The following BCL9 variants were observed in gnomAD, a reference collection of about 807,000 sequenced individuals.
BCL9 encodes B-cell CLL/lymphoma 9 protein.
Under a neutral mutation model 88.5 loss-of-function variants are expected in BCL9, and 25 were observed. That is an observed-to-expected ratio of 0.28 (90% CI 0.21 to 0.39). BCL9 has a LOEUF of 0.39. Ranked by LOEUF, BCL9 falls within the 10% of genes least tolerant of loss-of-function variation. The pLI is 1.00. For missense variants in BCL9, 1,817 were observed against 1,877.8 expected (o/e 0.97, Z 0.60); for synonymous variants, 711 against 673.3 (o/e 1.06, Z -0.87).
At position 147,568,174 on chromosome 1, in the gene BCL9, G is replaced by C. The variant is rs651863; in HGVS notation, c.-478+26500G>C. On this transcript the variant is annotated intron_variant, in intron 1 of 9. Transcript: ENST00000234739. ...TTATTCTCAAGAAAGTCCTAGTCTT[G>C]TTACTTCTCCCAATAGGCTGTCATA... Among the ~76,000 whole-genome samples the C allele has an allele frequency of 5.8e-4, 88 of 152,300 alleles. 1 individual carries two copies. The highest frequency in any genetic ancestry group is 2.0e-3 in the African/African-American group (85 of 41,572).
chr1:147,577,794 A>G (rs1656175778), intron 1 of BCL9, among the ~76,000 whole-genome samples: 2 of 150,706 alleles, frequency 1.3e-5, no homozygotes, highest in Non-Finnish European at 2.9e-5. Context: ...CGAGTCTACC[A>G]TCCAAGCTTT....
At position 147,624,034 on chromosome 1, in the gene BCL9, T is replaced by C. The variant is rs1553205967; in HGVS notation, c.3356T>C (p.Ile1119Thr). 1.9e-6 allele frequency: 3 copies of C among 1,614,120 alleles called. No individual in the cohort carries two copies. Among genetic ancestry groups the C allele is most frequent in the Non-Finnish European group, 2.5e-6 (3 of 1,180,014 alleles). ...MGPGLMSHNPIMGHGSQEPPM... is the reference protein window; with the variant it reads ...MGPGLMSHNPTMGHGSQEPPM... ...CCTGGCTTGATGTCACACAATCCTA[T>C]CATGGGGCATGGGTCCCAGGAGCCA... Residue 1119 changes from isoleucine (I) to threonine (T), a missense_variant, in exon 10 of 10, where the codon ATC becomes ACC. This residue lies in a region of BCL9 where 589 missense variants were observed against 686.2 expected (regional missense o/e 0.86). Coordinates refer to ENST00000234739, the MANE Select transcript of BCL9 (RefSeq NM_004326.4). This position sits in a 1 kb window ranked among gnomAD's most constrained non-coding sequence, Gnocchi z 4.4.
intron 9 of BCL9, 60 bp downstream of exon 9, chr1:147,622,591 AGCGTTTTCTCAATG>A: frequency 6.3e-7 from 1 of 1,596,950 alleles, no homozygotes; most frequent in South Asian, 1.1e-5. Context: ...AACCTCTTGA[AGCGTTTTCTCAATG>A]GCTATACACC....
intron 1 of BCL9, among the ~76,000 whole-genome samples, chr1:147,562,243 C>T (rs587717677): frequency 3.4e-4 from 52 of 152,212 alleles, no homozygotes; most frequent in African/African-American, 1.2e-3. Flanking sequence ...GCAGGAGACT[C>T]GCTTGAACTC....
intron 1 of BCL9, among the ~76,000 whole-genome samples, chr1:147,555,331 C>T (rs782687615): frequency 2.0e-5 from 3 of 152,204 alleles, no homozygotes. Context: ...AACTCCTACT[C>T]TATACTTTGG....
At chr1:147,605,481 T>C (rs1177946918) in intron 2 of BCL9, among the ~76,000 whole-genome samples, 1 of 152,206 alleles carries the variant, frequency 6.6e-6, no homozygotes, top group African/African-American at 2.4e-5. Context: ...TTCCAGATGG[T>C]GATAGTTGGA....
intron 1 of BCL9, among the ~76,000 whole-genome samples, chr1:147,595,181 G>A (rs1277183592): frequency 1.3e-5 from 2 of 152,212 alleles, no homozygotes; most frequent in Admixed American, 1.3e-4. Context: ...CATTTTATTG[G>A]CTTCATGTTT....
At chr1:147,558,576 A>T (rs1546160) in intron 1 of BCL9, among the ~76,000 whole-genome samples, 29,838 of 151,960 alleles carry the variant, frequency 0.2, 8,068 homozygotes, top group African/African-American at 0.61. Flanking sequence ...GCTTTTATCT[A>T]CTTGTTGGTC....
chr1:147,574,706 C>T (rs782249218), intron 1 of BCL9, among the ~76,000 whole-genome samples: 3 of 152,154 alleles, frequency 2.0e-5, no homozygotes, highest in East Asian at 1.9e-4. Context: ...GTAATTAAAG[C>T]GTGTTTGTAC....
chr1:147,556,044 A>G (rs373950380), intron 1 of BCL9, among the ~76,000 whole-genome samples: 4 of 152,200 alleles, frequency 2.6e-5, no homozygotes, highest in South Asian at 4.1e-4. Context: ...AAGGTGTCCT[A>G]GAGTAGCCTA....
chr1:147,581,255 A>T (rs907875801), intron 1 of BCL9, among the ~76,000 whole-genome samples: 4 of 152,228 alleles, frequency 2.6e-5, no homozygotes, highest in Non-Finnish European at 5.9e-5. Flanking sequence ...AAGACATGGC[A>T]TATCAACTAG....
At chr1:147,555,958 A>T (rs1430484885) in intron 1 of BCL9, among the ~76,000 whole-genome samples, 1 of 152,346 alleles carries the variant, frequency 6.6e-6, no homozygotes, top group Non-Finnish European at 1.5e-5. Flanking sequence ...AATAGGAAGA[A>T]GTAGCACAAA....
intron 1 of BCL9, among the ~76,000 whole-genome samples, chr1:147,581,645 T>A (rs1223999511): frequency 6.6e-6 from 1 of 152,202 alleles, no homozygotes; most frequent in East Asian, 1.9e-4. Flanking sequence ...CTACGTCAGC[T>A]CTTTAATCTC....
intron 1 of BCL9, among the ~76,000 whole-genome samples, chr1:147,588,284 G>A (rs1286630851): frequency 3.3e-5 from 5 of 152,138 alleles, no homozygotes; most frequent in Non-Finnish European, 7.4e-5. Context: ...TAAGAGGCCT[G>A]ACTTGGCTGA....
chr1:147,606,619 A>G (rs1657722865), intron 2 of BCL9, among the ~76,000 whole-genome samples, 165 bp from the exon 3 acceptor site: 1 of 152,202 alleles, frequency 6.6e-6, no homozygotes, highest in South Asian at 2.1e-4. Flanking sequence ...TAATCCTTCA[A>G]AAATTGGGAG....
In BCL9 at chr1:147,619,809, C is replaced by T. The variant is rs373041629; in HGVS notation, c.1654C>T (p.His552Tyr). The T allele has an allele frequency of 9.9e-6, 16 of 1,614,052 alleles. No homozygotes were observed. In the Admixed American group the frequency reaches 1.0e-4, roughly 10 times the overall value. The stretch of plus-strand genomic sequence containing the variant: ...TCTGCCCCCGAGGGGCATGGCTCCC[C>T]ACCCCAACATGCCAGGGAGCCAGAT... The part of the protein sequence containing the change: ...HSLPPRGMAP[H>Y]PNMPGSQMRL... Residue 552 changes from histidine to tyrosine, a missense_variant, in exon 8 of 10, where the codon CAC becomes TAC. Physicochemically the swap from His to Tyr is moderately conservative, Grantham distance 83. This residue lies in a region of BCL9 where 1,228 missense variants were observed against 1,191.6 expected (regional missense o/e 1.03). Coordinates refer to ENST00000234739, the MANE Select transcript of BCL9 (RefSeq NM_004326.4). This position sits in a 1 kb window ranked among gnomAD's most constrained non-coding sequence, Gnocchi z 4.1.
intron 3 of BCL9, among the ~76,000 whole-genome samples, chr1:147,610,948 C>G (rs1035314986): frequency 4.6e-5 from 7 of 152,212 alleles, no homozygotes; most frequent in Non-Finnish European, 1.0e-4. Context: ...AGTGAGAACA[C>G]TAGACACATA....
intron 1 of BCL9, among the ~76,000 whole-genome samples, chr1:147,562,066 C>T (rs781857993): frequency 1.8e-4 from 27 of 152,082 alleles, no homozygotes; most frequent in Admixed American, 3.9e-4. Context: ...TGGTGGCTCA[C>T]GCCTGTAATC....
At chr1:147,564,163 A>G (rs1434349721) in intron 1 of BCL9, among the ~76,000 whole-genome samples, 1 of 152,172 alleles carries the variant, frequency 6.6e-6, no homozygotes, top group African/African-American at 2.4e-5. Context: ...AACTTCCTCA[A>G]CAATAAAATG....
Sources: allele counts gnomAD v4.1 joint callset (sites outside exome capture counted in the v4.1 genomes callset), GRCh38; gene constraint gnomAD v4.1.1; regional missense constraint gnomAD v4.1.1; non-coding constraint Gnocchi (gnomAD v3.1); transcripts MANE v1.5; gene names NCBI Gene and HGNC (gene_info 2026-07-23, HGNC 2026-07-21).